The following SH3GL2 variants were observed in gnomAD, a reference collection of about 807,000 sequenced individuals.
SH3GL2 encodes the protein SH3 domain containing GRB2 like 2, endophilin A1.
In SH3GL2, 24 loss-of-function variants were observed where a neutral mutation model predicts 46.0. The ratio of observed to expected loss-of-function variants is 0.52; its 90% CI spans 0.38 to 0.73. The LOEUF (loss-of-function observed/expected upper bound fraction) is 0.73. Among genes scored for constraint, SH3GL2 ranks in the 30% least tolerant of loss-of-function variants. The probability of loss-of-function intolerance (pLI) is 0.00; values close to 1 mark genes in which losing one functional copy is unlikely to be tolerated. For missense variants in SH3GL2, 413 were observed against 424.2 expected, an observed-to-expected ratio of 0.97 and a Z score of 0.23; for synonymous variants, 196 against 147.1, an observed-to-expected ratio of 1.33 and a Z score of -2.40.
At chr9:17,785,310 C>G (rs1351000224) in intron 3 of SH3GL2, among the ~76,000 whole-genome samples, 3 of 152,188 alleles carry the variant, frequency 2.0e-5, no homozygotes, top group Non-Finnish European at 4.4e-5. Flanking sequence ...ACCCTCAGTT[C>G]ATTATAAACT....
intron 1 of SH3GL2, among the ~76,000 whole-genome samples, chr9:17,683,960 A>G (rs937756167): frequency 6.6e-6 from 1 of 152,096 alleles, no homozygotes; most frequent in African/African-American, 2.4e-5. Context: ...GCAGGATGCG[A>G]GACATGTTCA....
chr9:17,633,516 G>A (rs886473295), intron 1 of SH3GL2, among the ~76,000 whole-genome samples: 3 of 152,208 alleles, frequency 2.0e-5, no homozygotes, highest in African/African-American at 4.8e-5. Context: ...ATAAGAAAGT[G>A]TAAATAGCTG....
chr9:17,678,035 A>T lies in SH3GL2; in HGVS notation c.46-69031A>T, dbSNP rs188066589. Among the ~76,000 whole-genome samples the T allele has an allele frequency of 5.7e-3, 874 of 152,164 alleles. 7 individuals carry two copies. The highest frequency in any genetic ancestry group is 0.02 in the African/African-American group (827 of 41,488). ...TCTTAATCCAGTCTATCATTATTGGACATTTGGGTTGGTTCCAAGTCTTTG... is the reference window on the plus strand; with the variant it reads ...TCTTAATCCAGTCTATCATTATTGGTCATTTGGGTTGGTTCCAAGTCTTTG... On this transcript the variant is annotated intron_variant, in intron 1 of 8. Coordinates refer to ENST00000380607, the MANE Select transcript of SH3GL2 (RefSeq NM_003026.5).
At chr9:17,782,641 G>T (rs1823843296) in intron 3 of SH3GL2, among the ~76,000 whole-genome samples, 1 of 152,176 alleles carries the variant, frequency 6.6e-6, no homozygotes, top group Non-Finnish European at 1.5e-5. Context: ...TGAGTGGTGT[G>T]ATCAGATTGT....
At chr9:17,703,625 C>G (rs1821392366) in intron 1 of SH3GL2, among the ~76,000 whole-genome samples, 2 of 152,036 alleles carry the variant, frequency 1.3e-5, no homozygotes, top group African/African-American at 4.8e-5. Flanking sequence ...AGTCGTTATC[C>G]CTGGGATGCA....
chr9:17,694,317 G>C (rs1188434357), intron 1 of SH3GL2, among the ~76,000 whole-genome samples: 1 of 152,160 alleles, frequency 6.6e-6, no homozygotes, highest in African/African-American at 2.4e-5. Context: ...GCAGGAGAGA[G>C]AGAAAGAGAG....
At chr9:17,745,577 T>C (rs1347141388) in intron 1 of SH3GL2, among the ~76,000 whole-genome samples, 2 of 152,144 alleles carry the variant, frequency 1.3e-5, no homozygotes, top group South Asian at 2.1e-4. Context: ...GCCAGAGTGA[T>C]GATAGAATTC....
intron 2 of SH3GL2, among the ~76,000 whole-genome samples, chr9:17,754,985 C>T (rs948766872): frequency 6.6e-6 from 1 of 152,164 alleles, no homozygotes; most frequent in African/African-American, 2.4e-5. Context: ...ATTTCTTTCT[C>T]TTGCCTAATT....
chr9:17,579,391 G>T (rs1368539432), intron 1 of SH3GL2, 104 bp downstream of exon 1: 11 of 617,428 alleles, frequency 1.8e-5, no homozygotes, highest in Non-Finnish European at 2.3e-5. Flanking sequence ...TCGGCACCGA[G>T]CCTCGCCCGC....
chr9:17,723,415 A>G (rs748345251), intron 1 of SH3GL2, among the ~76,000 whole-genome samples: 25 of 152,174 alleles, frequency 1.6e-4, no homozygotes, highest in Non-Finnish European at 2.8e-4. Flanking sequence ...TTAATAATTT[A>G]GCAACTTCTT....
chr9:17,787,068 C>G (rs1823980290), intron 4 of SH3GL2, among the ~76,000 whole-genome samples: 1 of 152,122 alleles, frequency 6.6e-6, no homozygotes, highest in South Asian at 2.1e-4. Context: ...CTGGTACTTG[C>G]TTCTGCTAAT....
intron 1 of SH3GL2, among the ~76,000 whole-genome samples, chr9:17,600,074 C>G (rs1588164840): frequency 6.6e-6 from 1 of 151,996 alleles, no homozygotes; most frequent in African/African-American, 2.4e-5. Context: ...TTTGGCTTTC[C>G]TAGCCACTGT....
intron 3 of SH3GL2, among the ~76,000 whole-genome samples, chr9:17,785,735 G>A (rs1823937691): frequency 6.6e-6 from 1 of 152,120 alleles, no homozygotes; most frequent in Admixed American, 6.6e-5. Context: ...AAATTGAAAT[G>A]TTCTCTTTGA....
chr9:17,696,839 G>A (rs1040245197), intron 1 of SH3GL2, among the ~76,000 whole-genome samples: 3 of 152,078 alleles, frequency 2.0e-5, no homozygotes, highest in African/African-American at 7.2e-5. Flanking sequence ...CCCATTTTTT[G>A]TGGATGCTAA....
chr9:17,703,733 G>A (rs118014087), intron 1 of SH3GL2, among the ~76,000 whole-genome samples: 2,399 of 152,046 alleles, frequency 0.016, 29 homozygotes, highest in Non-Finnish European at 0.025. Context: ...CGCAGAAAAG[G>A]CTTTTAATAC....
chr9:17,721,068 C>T (rs78459270), intron 1 of SH3GL2, among the ~76,000 whole-genome samples: 4,437 of 152,118 alleles, frequency 0.029, 214 homozygotes, highest in African/African-American at 0.1. Context: ...TGAACTCTCG[C>T]ACTCTCCTCT....
At chr9:17,661,297 A>G (rs1381258744) in intron 1 of SH3GL2, among the ~76,000 whole-genome samples, 2 of 152,200 alleles carry the variant, frequency 1.3e-5, no homozygotes, top group East Asian at 3.9e-4. Context: ...AGGGATATCA[A>G]TATAGGAGCT....
intron 1 of SH3GL2, among the ~76,000 whole-genome samples, chr9:17,651,986 C>T (rs868539376): frequency 6.6e-6 from 1 of 152,228 alleles, no homozygotes; most frequent in East Asian, 1.9e-4. Flanking sequence ...AATTATTAGC[C>T]TTTTCAAAAT....
chr9:17,785,396 A>T lies in SH3GL2; in HGVS notation c.188-985A>T, dbSNP rs149480348. ...CAGGGTTGCAGGATGTGCTCTCCTG[A>T]TAACTTTTCTCATCTCTATTCAATG... On this transcript the variant is annotated intron_variant, in intron 3 of 8. Transcript: ENST00000380607. Among the ~76,000 whole-genome samples, 102 of 152,346 alleles carry T rather than the reference A, an allele frequency of 6.7e-4. 1 individual carries two copies. The East Asian group carries it at 0.019, about 28-fold the overall frequency.
Sources: gnomAD v4.1 joint callset for allele counts (sites outside exome capture counted in the v4.1 genomes callset) on GRCh38, gnomAD v4.1.1 for gene constraint, MANE v1.5 for transcripts, NCBI Gene and HGNC (gene_info 2026-07-23, HGNC 2026-07-21) for gene names.